ITGA4: variants seen among roughly 807,000 people sequenced by gnomAD.
ITGA4 encodes integrin subunit alpha 4, also known as integrin alpha-4.
A neutral mutation model predicts 133.6 loss-of-function variants in ITGA4; 63 were observed. That is an observed-to-expected ratio of 0.47 (90% confidence interval 0.38 to 0.58). ITGA4 has a LOEUF of 0.58. Ranked by LOEUF, ITGA4 falls within the 20% of genes least tolerant of loss-of-function variation. The pLI, the probability that ITGA4 is intolerant of heterozygous loss-of-function variation, is 0.00. For synonymous variants in ITGA4, 483 were observed against 438.0 expected, an observed-to-expected ratio of 1.10 and a Z score of -1.28; for missense variants, 1,076 against 1,252.7, an observed-to-expected ratio of 0.86 and a Z score of 2.13.
In ITGA4 at chr2:181,537,772, A is replaced by G; in HGVS notation, c.*2245A>G. The G allele has an allele frequency of 2.2e-6, 1 of 450,748 alleles. No homozygotes were observed. The allele number at this position is 450,748 out of a possible 1,614,324, so 27.9% of individuals were successfully genotyped here. A position where few individuals can be genotyped will look rare whatever the true frequency, so the allele number is the denominator to read the frequency against. ...AGAATTTGAATTGATATCTAAAAACAGAATTTGAATTGATATTTCATCTTG... is the reference window on the plus strand; with the variant it reads ...AGAATTTGAATTGATATCTAAAAACGGAATTTGAATTGATATTTCATCTTG... On this transcript the variant is annotated 3_prime_UTR_variant, in exon 28 of 28. Transcript: ENST00000397033.
intron 15 of ITGA4, among the ~76,000 whole-genome samples, chr2:181,509,091 A>ACACTT (rs1559051229): frequency 7.4e-6 from 1 of 135,220 alleles, no homozygotes; most frequent in Non-Finnish European, 1.5e-5. Context: ...GTGGTGAGCT[A>ACACTT]CACTTCACTC....
chr2:181,484,604 T>C (rs1685874816), intron 9 of ITGA4, among the ~76,000 whole-genome samples: 1 of 152,212 alleles, frequency 6.6e-6, no homozygotes, highest in African/African-American at 2.4e-5. Context: ...GTCATCTTAG[T>C]TCATTTAAAA....
intron 10 of ITGA4, chr2:181,492,959 G>T: frequency 5.9e-6 from 1 of 168,816 alleles, no homozygotes; most frequent in African/African-American, 2.4e-5. Flanking sequence ...TTTTTATTAT[G>T]ATCCCATTAT....
intron 9 of ITGA4, among the ~76,000 whole-genome samples, chr2:181,485,359 CT>C (rs1685891801): frequency 1.3e-5 from 2 of 151,916 alleles, no homozygotes; most frequent in South Asian, 4.2e-4. Flanking sequence ...CAATAGCCTC[CT>C]GGCATGCCAT....
At chr2:181,473,936 A>C (rs1685614085) in intron 2 of ITGA4, among the ~76,000 whole-genome samples, 1 of 152,210 alleles carries the variant, frequency 6.6e-6, no homozygotes, top group Admixed American at 6.5e-5. Context: ...AATTCATGAA[A>C]ACTTGGTACC....
intron 14 of ITGA4, among the ~76,000 whole-genome samples, chr2:181,498,098 G>A (rs1010673697): frequency 9.2e-5 from 14 of 151,688 alleles, no homozygotes; most frequent in African/African-American, 3.1e-4. Flanking sequence ...TAAGAAAACC[G>A]TATATATAGA....
At position 181,538,230 on chromosome 2, in the gene ITGA4, A is replaced by C. The variant is rs1458662775; in HGVS notation, c.*2703A>C. 1.3e-6 allele frequency: 2 copies of C among 1,586,962 alleles called. No homozygotes were observed. Among genetic ancestry groups the C allele is most frequent in the South Asian group, 2.2e-5 (2 of 90,486 alleles). On this transcript the variant is annotated 3_prime_UTR_variant, in exon 28 of 28. Coordinates refer to ENST00000397033, the MANE Select transcript of ITGA4 (RefSeq NM_000885.6). ...CATGCTTCCTCCATAAAGACTGATA[A>C]GTCTTGGATGCAATCTGTAAAGAAA...
rs139748931 is a variant in ITGA4, at chr2:181,516,344, G to A, written c.1922+4569G>A. Among the ~76,000 whole-genome samples the A allele has an allele frequency of 9.2e-5, 14 of 152,032 alleles. No homozygotes were observed. Among genetic ancestry groups the A allele is most frequent in the Non-Finnish European group, 1.3e-4 (9 of 67,982 alleles). On this transcript the variant is annotated intron_variant, in intron 17 of 27. Transcript: ENST00000397033. The surrounding 1 kb of genome is among the most constrained non-coding windows in gnomAD (Gnocchi z 4.0). ...ACTTAAACAATAAAGATATTATTTC[G>A]CATAATAAGCAGTCTTGAGGAAGGA...
At chr2:181,501,486 ACT>A (rs1421246541) in intron 15 of ITGA4, among the ~76,000 whole-genome samples, 1 of 152,092 alleles carries the variant, frequency 6.6e-6, no homozygotes, top group Non-Finnish European at 1.5e-5. Context: ...ACAAAGGAAC[ACT>A]CTAGCTGCTG....
chr2:181,482,538 G>C lies in ITGA4; in HGVS notation c.928G>C (p.Val310Leu). Residue 310 changes from valine to leucine, a missense_variant, in exon 9 of 28, where the codon GTC becomes CTC. Physicochemically the swap from Val to Leu is conservative, Grantham distance 32. Coordinates refer to ENST00000397033, the MANE Select transcript of ITGA4 (RefSeq NM_000885.6). ...GCTTGGATCGTACTTTGGAGCTTCT[G>C]TCTGTGCTGTGGACCTCAATGCAGA... ...KKLGSYFGAS[V>L]CAVDLNADGF... 6.2e-7 allele frequency: 1 copy of C among 1,613,804 alleles called. No homozygotes were observed. Among genetic ancestry groups the C allele is most frequent in the South Asian group, 1.1e-5 (1 of 91,074 alleles).
At chr2:181,480,460 C>T (rs992475459) in intron 6 of ITGA4, among the ~76,000 whole-genome samples, 194 bp downstream of exon 6, 7 of 152,088 alleles carry the variant, frequency 4.6e-5, no homozygotes, top group Admixed American at 1.3e-4. Flanking sequence ...TACATTTACA[C>T]ATGTGACTAA....
intron 25 of ITGA4, among the ~76,000 whole-genome samples, chr2:181,532,092 G>A (rs908516331): frequency 1.3e-5 from 2 of 152,084 alleles, no homozygotes; most frequent in African/African-American, 2.4e-5. Flanking sequence ...TGTATTCCTA[G>A]GTAGATGTCT....
intron 2 of ITGA4, among the ~76,000 whole-genome samples, chr2:181,464,334 G>A (rs1025861253): frequency 1.3e-5 from 2 of 152,082 alleles, no homozygotes; most frequent in African/African-American, 4.8e-5. Flanking sequence ...GTTGAGAAGT[G>A]AGAAACAATA....
rs770788024 is a variant in ITGA4, at chr2:181,537,799, C to A, written c.*2272C>A. ...AATTTGAATTGATATTTCATCTTGA[C>A]TTTTAAAGCCCTAGAGGCTAATTGT... is the stretch of plus-strand genomic sequence containing the variant. On this transcript the variant is annotated 3_prime_UTR_variant, in exon 28 of 28. Coordinates refer to ENST00000397033, the MANE Select transcript of ITGA4 (RefSeq NM_000885.6). The A allele has an allele frequency of 1.1e-5, 5 of 463,380 alleles. No individual in the cohort carries two copies. Among genetic ancestry groups the A allele is most frequent in the African/African-American group, 5.9e-5 (3 of 50,448 alleles). 28.7% of individuals were successfully genotyped at this position (463,380 alleles called of 1,614,324 possible). A position where few individuals can be genotyped will look rare whatever the true frequency, so the allele number is the denominator to read the frequency against.
chr2:181,492,685 A>G (rs750403543), intron 10 of ITGA4, among the ~76,000 whole-genome samples: 1 of 151,994 alleles, frequency 6.6e-6, no homozygotes, highest in Non-Finnish European at 1.5e-5. Context: ...ATTATCAATA[A>G]TACAGAAAGG....
intron 17 of ITGA4, among the ~76,000 whole-genome samples, chr2:181,512,618 G>A (rs1395459982): frequency 6.6e-6 from 1 of 152,040 alleles, no homozygotes; most frequent in Non-Finnish European, 1.5e-5. Flanking sequence ...AGTCCCTGGT[G>A]AAATAGCCAA....
At chr2:181,487,352 A>T (rs1449090770) in intron 10 of ITGA4, among the ~76,000 whole-genome samples, 1 of 151,990 alleles carries the variant, frequency 6.6e-6, no homozygotes, top group Non-Finnish European at 1.5e-5. Context: ...TGTAAGAGGG[A>T]TCATGTCATA....
At chr2:181,474,881 T>C (rs1057396427) in intron 2 of ITGA4, 79 bp from the exon 3 acceptor site, 5 of 974,690 alleles carry the variant, frequency 5.1e-6, no homozygotes, top group Non-Finnish European at 7.9e-6. Context: ...AGAAAAATAC[T>C]GGGGATGAGT....
At chr2:181,494,929 T>C (rs1381823161) in intron 12 of ITGA4, 117 bp downstream of exon 12, 2 of 630,812 alleles carry the variant, frequency 3.2e-6, no homozygotes, top group East Asian at 5.4e-5. Flanking sequence ...TAATTTTTTT[T>C]CTTCATTTTT....
Sources: gnomAD v4.1 joint callset for allele counts (sites outside exome capture counted in the v4.1 genomes callset) on GRCh38, gnomAD v4.1.1 for gene constraint, Gnocchi (gnomAD v3.1) non-coding constraint, MANE v1.5 for transcripts, NCBI Gene and HGNC (gene_info 2026-07-23, HGNC 2026-07-21) for gene names.